The following FGD6 variants were observed in gnomAD, a reference collection of about 807,000 sequenced individuals.
FGD6 encodes FYVE, RhoGEF and PH domain-containing protein 6.
A neutral mutation model predicts 149.4 loss-of-function variants in FGD6; 90 were observed. The ratio of observed to expected loss-of-function variants is 0.60; its 90% CI spans 0.51 to 0.72. FGD6 has a LOEUF of 0.72. Among genes scored for constraint, FGD6 ranks in the 30% least tolerant of loss-of-function variants. The pLI is 0.00. For missense variants in FGD6, 1,437 were observed against 1,684.8 expected (o/e 0.85, Z 2.57); for synonymous variants, 527 against 584.0 (o/e 0.90, Z 1.41).
At chr12:95,148,918 T>G (rs1473842312) in intron 5 of FGD6, among the ~76,000 whole-genome samples, 2 of 4,560 alleles carry the variant, frequency 4.4e-4, no homozygotes, top group Non-Finnish European at 6.6e-4. Flanking sequence ...TTATATATAT[T>G]ATATAAGATA....
At chr12:95,099,073 C>T (rs1878334381) in intron 14 of FGD6, among the ~76,000 whole-genome samples, 1 of 152,104 alleles carries the variant, frequency 6.6e-6, no homozygotes, top group Admixed American at 6.5e-5. Context: ...AACGGGGTTT[C>T]ACCATGTTGG....
intron 2 of FGD6, 89 bp downstream of exon 2, chr12:95,208,754 T>G: frequency 7.1e-7 from 1 of 1,401,140 alleles, no homozygotes; most frequent in Non-Finnish European, 9.5e-7. Flanking sequence ...CAACCACGTG[T>G]TTTTTTTCCC....
chr12:95,086,013 A>G, intron 18 of FGD6, 105 bp from the exon 19 acceptor site: 3 of 1,088,590 alleles, frequency 2.8e-6, no homozygotes, highest in Non-Finnish European at 4.0e-6. Context: ...TAATGATAGA[A>G]TGTTTCAGAA....
intron 16 of FGD6, 84 bp downstream of exon 16, chr12:95,092,615 T>C: frequency 7.3e-7 from 1 of 1,376,336 alleles, no homozygotes; most frequent in South Asian, 1.5e-5. Flanking sequence ...CTATAATGGT[T>C]TATGAGGGGA....
chr12:95,141,929 A>C (rs957708450), intron 5 of FGD6, among the ~76,000 whole-genome samples: 2 of 152,030 alleles, frequency 1.3e-5, no homozygotes, highest in Non-Finnish European at 2.9e-5. Flanking sequence ...ATCTTAGCTA[A>C]TTTTATTCTG....
chr12:95,181,941 CA>C lies in FGD6; in HGVS notation c.2442-9198del, dbSNP rs767271799. 3.7e-3 allele frequency among the ~76,000 whole-genome samples: 374 copies of C among 101,590 alleles called. 5 individuals are homozygous for C. Among genetic ancestry groups the C allele is most frequent in the East Asian group, 2.8e-3 (9 of 3,160 alleles). 66.6% of individuals were successfully genotyped at this position (101,590 alleles called of 152,430 possible). ...CCTGAGAGACACAGCGAGATTCTCT[CA>C]AAAAAAAAAAAAAAACAAAGGCAAG... On this transcript the variant is annotated intron_variant, in intron 2 of 20. Transcript: ENST00000343958.
chr12:95,121,446 G>A (rs1320605156), intron 8 of FGD6, among the ~76,000 whole-genome samples: 24 of 74,002 alleles, frequency 3.2e-4, no homozygotes, highest in African/African-American at 1.3e-3. Context: ...GTAAAATTCC[G>A]TCTCAAAAAA....
At chr12:95,163,262 T>C (rs946732947) in intron 3 of FGD6, among the ~76,000 whole-genome samples, 1 of 152,126 alleles carries the variant, frequency 6.6e-6, no homozygotes, top group Non-Finnish European at 1.5e-5. Context: ...ATACCTTTCC[T>C]TTTGCCTTGA....
Position 95,209,929 on chromosome 12 carries a change from G to A in FGD6, c.1355C>T (p.Ser452Phe), listed in dbSNP as rs1165154142. 1 of 1,613,250 alleles carries A rather than the reference G, an allele frequency of 6.2e-7. No homozygotes were observed. Among genetic ancestry groups the A allele is most frequent in the Non-Finnish European group, 8.5e-7 (1 of 1,179,840 alleles). Reference protein sequence around the residue: ...EGTGFIRCTVSMSLPKQLKLT... With the variant: ...EGTGFIRCTVFMSLPKQLKLT... Reference sequence around the variant, plus strand: ...TTTGAGCTGCTTAGGCAGGCTCATAGATACAGTACATCTTATAAAACCGGT... The same window carrying A: ...TTTGAGCTGCTTAGGCAGGCTCATAAATACAGTACATCTTATAAAACCGGT... The change falls in exon 2 of 21, where the codon TCT becomes TTT. Residue 452 changes from serine (S) to phenylalanine (F), a missense_variant. Transcript: ENST00000343958.
intron 2 of FGD6, among the ~76,000 whole-genome samples, chr12:95,191,485 A>G (rs769815501): frequency 6.6e-4 from 101 of 152,322 alleles, no homozygotes; most frequent in Middle Eastern, 6.8e-3. Context: ...ACTTCACACA[A>G]GCAAAAGCAG....
At chr12:95,113,078 C>G (rs1180027816) in intron 9 of FGD6, among the ~76,000 whole-genome samples, 2 of 152,110 alleles carry the variant, frequency 1.3e-5, no homozygotes, top group East Asian at 3.9e-4. Context: ...AGCCACCACG[C>G]TGGCTTCACA....
chr12:95,210,071 A>C lies in FGD6; in HGVS notation c.1213T>G (p.Cys405Gly), dbSNP rs575388561. 16 of 1,614,182 alleles carry C rather than the reference A, an allele frequency of 9.9e-6. No individual in the cohort carries two copies. In the South Asian group the frequency reaches 1.5e-4, roughly 16 times the overall value. The change falls in exon 2 of 21, where the codon TGT (cysteine) becomes GGT (glycine). Residue 405 changes from cysteine to glycine, a missense_variant. Physicochemically the swap from Cys to Gly is radical, Grantham distance 159. Coordinates refer to ENST00000343958, the MANE Select transcript of FGD6 (RefSeq NM_018351.4). ...TTTTCAAAGGAAGTTGTTTCATTAC[A>C]CATGGCTTTCTGTGAATTGACTAAG... is the stretch of plus-strand genomic sequence containing the variant. ...QDLVNSQKAM[C>G]NETTSFEKMA...
intron 2 of FGD6, among the ~76,000 whole-genome samples, chr12:95,191,122 G>A (rs1036813237): frequency 2.6e-5 from 4 of 152,048 alleles, no homozygotes; most frequent in Non-Finnish European, 4.4e-5. Flanking sequence ...AGCACATTTA[G>A]ATATGGTAAG....
intron 18 of FGD6, among the ~76,000 whole-genome samples, chr12:95,088,379 T>C (rs948211913): frequency 2.6e-5 from 4 of 151,930 alleles, no homozygotes; most frequent in Admixed American, 6.6e-5. Context: ...CCAGAAGCAA[T>C]GAAAATTAAA....
chr12:95,114,784 A>T (rs1565899719), intron 8 of FGD6, among the ~76,000 whole-genome samples: 1 of 152,112 alleles, frequency 6.6e-6, no homozygotes, highest in Non-Finnish European at 1.5e-5. Flanking sequence ...AATTAATACA[A>T]ATTCCTTTCT....
chr12:95,217,255 G>C lies in FGD6; in HGVS notation c.-15C>G, dbSNP rs200345787. On this transcript the variant is annotated 5_prime_UTR_variant, in exon 1 of 21. Coordinates refer to ENST00000343958, the MANE Select transcript of FGD6 (RefSeq NM_018351.4). ...GCAGAAGTCATGATTCCCCGGTGCAGCTCGCTTCCCCGCTCGGCCCCTCAA... is the reference window on the plus strand; with the variant it reads ...GCAGAAGTCATGATTCCCCGGTGCACCTCGCTTCCCCGCTCGGCCCCTCAA... 96 of 1,608,156 alleles carry C rather than the reference G, an allele frequency of 6.0e-5. No homozygotes were observed. Among genetic ancestry groups the C allele is most frequent in the Non-Finnish European group, 8.1e-5 (95 of 1,176,152 alleles).
chr12:95,112,032 G>A (rs963531071), intron 9 of FGD6, among the ~76,000 whole-genome samples: 12 of 152,004 alleles, frequency 7.9e-5, no homozygotes, highest in Non-Finnish European at 1.3e-4. Context: ...TCAGGAGTTC[G>A]AGACCAGCCT....
At chr12:95,204,609 G>A (rs2056684189) in intron 2 of FGD6, among the ~76,000 whole-genome samples, 1 of 152,038 alleles carries the variant, frequency 6.6e-6, no homozygotes, top group African/African-American at 2.4e-5. Context: ...TGGGGCCCCA[G>A]GCCTTGTAGA....
chr12:95,198,612 TG>T (rs1282795106), intron 2 of FGD6, among the ~76,000 whole-genome samples: 1 of 152,142 alleles, frequency 6.6e-6, no homozygotes, highest in Non-Finnish European at 1.5e-5. Flanking sequence ...GCTAATTTTT[TG>T]TATTTTTAGT....
Sources: gnomAD v4.1 joint callset for allele counts (sites outside exome capture counted in the v4.1 genomes callset) on GRCh38, gnomAD v4.1.1 for gene constraint, MANE v1.5 for transcripts, NCBI Gene and HGNC (gene_info 2026-07-23, HGNC 2026-07-21) for gene names.